RAB27A: variants seen among roughly 807,000 people sequenced by gnomAD.
RAB27A encodes the protein ras-related protein Rab-27A.
A neutral mutation model predicts 20.8 loss-of-function variants in RAB27A; 17 were observed. That is an observed-to-expected ratio of 0.82 (90% CI 0.56 to 1.23). The LOEUF (loss-of-function observed/expected upper bound fraction) is 1.23, where lower values mean the gene tolerates loss of function less well. Among genes scored for constraint, RAB27A ranks in the 50% most tolerant of loss-of-function variants. RAB27A has a pLI of 0.00. For missense variants in RAB27A, 277 were observed against 266.7 expected, an observed-to-expected ratio of 1.04 and a Z score of -0.27; for synonymous variants, 85 against 92.8, an observed-to-expected ratio of 0.92 and a Z score of 0.48.
upstream of RAB27A, chr15:55,289,968 G>C (rs553293929): frequency 6.6e-6 from 1 of 152,168 alleles, no homozygotes; most frequent in Admixed American, 6.5e-5. Flanking sequence ...CCGCGCCTCC[G>C]AGGGGTCCTC....
At chr15:55,253,218 C>T (rs1178482304) in intron 2 of RAB27A, among the ~76,000 whole-genome samples, 2 of 150,890 alleles carry the variant, frequency 1.3e-5, no homozygotes, top group Non-Finnish European at 2.9e-5. Flanking sequence ...AAAGCCAAGG[C>T]TGACAGATCA....
At chr15:55,209,814 A>ACATG (rs1566895932) in intron 6 of RAB27A, among the ~76,000 whole-genome samples, 2 of 136,752 alleles carry the variant, frequency 1.5e-5, no homozygotes, top group Non-Finnish European at 3.0e-5. Flanking sequence ...ATATACACAC[A>ACATG]TGTGTGTATA....
chr15:55,206,886 G>C (rs1437912053), intron 6 of RAB27A, among the ~76,000 whole-genome samples: 1 of 152,050 alleles, frequency 6.6e-6, no homozygotes, highest in Non-Finnish European at 1.5e-5. Context: ...AAAGTTAAAA[G>C]ATGAGCGACA....
intron 6 of RAB27A, among the ~76,000 whole-genome samples, chr15:55,221,192 G>T (rs1401657351): frequency 6.6e-6 from 1 of 152,226 alleles, no homozygotes; most frequent in Admixed American, 6.5e-5. Context: ...GCCCACAGGG[G>T]CAAGAAGTCA....
intron 1 of RAB27A, among the ~76,000 whole-genome samples, chr15:55,272,883 G>C (rs1897749567): frequency 6.6e-6 from 1 of 152,214 alleles, no homozygotes; most frequent in South Asian, 2.1e-4. Flanking sequence ...AGAATCTCCA[G>C]AAAGTCTCAG....
At chr15:55,242,159 C>A (rs1283332525) in intron 2 of RAB27A, among the ~76,000 whole-genome samples, 4 of 152,124 alleles carry the variant, frequency 2.6e-5, no homozygotes, top group African/African-American at 9.7e-5. Flanking sequence ...GCCAAATTTT[C>A]CCTCTATTAC....
intron 2 of RAB27A, among the ~76,000 whole-genome samples, chr15:55,250,637 A>T (rs1420238186): frequency 6.6e-6 from 1 of 152,252 alleles, no homozygotes; most frequent in African/African-American, 2.4e-5. Flanking sequence ...AACATGTTGC[A>T]TCACAACATT....
intron 6 of RAB27A, among the ~76,000 whole-genome samples, chr15:55,207,778 G>C (rs951422607): frequency 6.6e-6 from 1 of 152,056 alleles, no homozygotes; most frequent in Non-Finnish European, 1.5e-5. Flanking sequence ...TGCCTCCCAA[G>C]TTCAAGCGAT....
rs1481203697 is a variant in RAB27A, at chr15:55,255,966, CCA to C, written c.-23+14197_-23+14198del. On this transcript the variant is annotated intron_variant, in intron 2 of 6. Coordinates refer to ENST00000336787, the MANE Select transcript of RAB27A (RefSeq NM_183235.3). ...TCCTGTGGTGAGCCAGACAGCTTCC[CCA>C]CACTGTTTCCTCAATATGGGAATAT... 3.3e-5 allele frequency among the ~76,000 whole-genome samples: 5 copies of C among 152,154 alleles called. 1 individual carries two copies. Among genetic ancestry groups the C allele is most frequent in the African/African-American group, 1.2e-4 (5 of 41,430 alleles).
rs757937778 is a variant in RAB27A, at chr15:55,234,976, T to A, written c.-22-20A>T. On this transcript the variant is annotated intron_variant, in intron 2 of 6. Transcript: ENST00000336787. ...GTTCACCTGTAAAATACACACAAAA[T>A]TTTTTAATTAAAATCCATTAGAAAA... 2.6e-6 allele frequency: 4 copies of A among 1,558,648 alleles called. No homozygotes were observed. Among genetic ancestry groups the A allele is most frequent in the South Asian group, 1.1e-5 (1 of 87,704 alleles).
intron 1 of RAB27A, among the ~76,000 whole-genome samples, chr15:55,314,483 T>G (rs1246784418): frequency 6.6e-6 from 1 of 152,164 alleles, no homozygotes; most frequent in East Asian, 1.9e-4. Context: ...AGTCAAATTG[T>G]CTCTGCAGAT....
chr15:55,228,798 CA>C (rs1268415420), intron 4 of RAB27A, 86 bp from the exon 5 acceptor site: 1 of 910,446 alleles, frequency 1.1e-6, no homozygotes, highest in African/African-American at 1.6e-5. Context: ...CAGCCTCTTA[CA>C]AAAGTTTACC....
intron 2 of RAB27A, among the ~76,000 whole-genome samples, chr15:55,244,052 G>A (rs1056277917): frequency 2.0e-5 from 3 of 152,186 alleles, no homozygotes; most frequent in Non-Finnish European, 4.4e-5. Flanking sequence ...TGTAATCCCA[G>A]CACTTTGGGA....
At chr15:55,210,411 G>GTTT (rs1566897430) in intron 6 of RAB27A, among the ~76,000 whole-genome samples, 7 of 111,156 alleles carry the variant, frequency 6.3e-5, no homozygotes, top group Non-Finnish European at 8.8e-5. Flanking sequence ...ATTTAGGTGT[G>GTTT]GTTTTTTTTT....
At position 55,223,929 on chromosome 15, in the gene RAB27A, C is replaced by A; in HGVS notation, c.427G>T (p.Val143Leu). Residue 143 changes from valine (V) to leucine (L), a missense_variant, in exon 6 of 7, where the codon GTG becomes TTG. By Grantham distance (32) the Val-to-Leu change is conservative. Transcript: ENST00000336787. ...NKSDLEDQRV[V>L]KEEEAIALAE... is the part of the protein sequence containing the mutation. ...AGTGCTATGGCTTCCTCCTCTTTCA[C>A]TACTCTCTGGTCCTCCAGATCACTC... 6.2e-7 allele frequency: 1 copy of A among 1,613,978 alleles called. No individual in the cohort carries two copies. Among genetic ancestry groups the A allele is most frequent in the Middle Eastern group, 1.6e-4 (1 of 6,062 alleles).
intron 2 of RAB27A, among the ~76,000 whole-genome samples, chr15:55,304,059 T>C (rs1595756076): frequency 6.6e-6 from 1 of 152,054 alleles, no homozygotes; most frequent in Non-Finnish European, 1.5e-5. Context: ...AATCGGATGG[T>C]TGCCGTGTCT....
intron 1 of RAB27A, among the ~76,000 whole-genome samples, chr15:55,314,723 C>A (rs1418647800): frequency 6.6e-6 from 1 of 152,152 alleles, no homozygotes; most frequent in African/African-American, 2.4e-5. Flanking sequence ...TGAAGGACCT[C>A]TTCAAGGAGA....
intron 1 of RAB27A, among the ~76,000 whole-genome samples, chr15:55,318,106 T>C (rs2055070789): frequency 6.7e-6 from 1 of 150,146 alleles, no homozygotes; most frequent in South Asian, 2.1e-4. Context: ...TTCTTTTTTT[T>C]TTTTTTTTTG....
intron 1 of RAB27A, among the ~76,000 whole-genome samples, chr15:55,281,735 G>A (rs548952622): frequency 6.6e-6 from 1 of 151,396 alleles, no homozygotes; most frequent in Non-Finnish European, 1.5e-5. Context: ...AAGGGAAGGG[G>A]GAATGGAAGG....
Sources: gnomAD v4.1 joint callset for allele counts (sites outside exome capture counted in the v4.1 genomes callset) on GRCh38, gnomAD v4.1.1 for gene constraint, MANE v1.5 for transcripts, NCBI Gene and HGNC (gene_info 2026-07-23, HGNC 2026-07-21) for gene names.